The following WWOX variants were observed in gnomAD, a reference collection of about 807,000 sequenced individuals.
WWOX encodes the protein WW domain containing oxidoreductase, also known as WW domain-containing oxidoreductase.
Under a neutral mutation model 46.2 loss-of-function variants are expected in WWOX, and 69 were observed. That is an observed-to-expected ratio of 1.49 (90% confidence interval 1.23 to 1.82). The LOEUF is 1.82. Among genes scored for constraint, WWOX ranks in the 40% most tolerant of loss-of-function variants. The pLI, the probability that WWOX is intolerant of heterozygous loss-of-function variation, is 0.00. For synonymous variants in WWOX, 359 were observed against 202.6 expected (o/e 1.77, Z -6.56); for missense variants, 919 against 542.6 (o/e 1.69, Z -6.89).
intron 8 of WWOX, among the ~76,000 whole-genome samples, chr16:78,768,519 G>A (rs970344794): frequency 6.6e-6 from 1 of 151,796 alleles, no homozygotes; most frequent in African/African-American, 2.4e-5. Flanking sequence ...GAACTTGGGA[G>A]GCAAAGGTTG....
At chr16:78,250,583 G>A (rs1239095085) in intron 5 of WWOX, among the ~76,000 whole-genome samples, 2 of 152,114 alleles carry the variant, frequency 1.3e-5, no homozygotes, top group Admixed American at 1.3e-4. Flanking sequence ...AACCTCAATA[G>A]GAAAGGCACC....
At chr16:79,004,680 G>C (rs1326909690) in intron 8 of WWOX, 2 of 152,244 alleles carry the variant, frequency 1.3e-5, no homozygotes, top group African/African-American at 4.8e-5. Context: ...AGTGATGCCT[G>C]CTCAGATTCT....
chr16:78,390,035 C>A (rs1454995199), intron 6 of WWOX, among the ~76,000 whole-genome samples: 2 of 152,214 alleles, frequency 1.3e-5, no homozygotes, highest in Non-Finnish European at 2.9e-5. Context: ...GCGTGAGCCA[C>A]CCTGCCCGAC....
At chr16:78,967,799 T>A (rs1254168379) in intron 8 of WWOX, among the ~76,000 whole-genome samples, 1 of 151,818 alleles carries the variant, frequency 6.6e-6, no homozygotes, top group Non-Finnish European at 1.5e-5. Flanking sequence ...CTTTGGGGTG[T>A]GTAAGAGTAG....
chr16:78,296,453 G>A (rs913965980), intron 5 of WWOX, among the ~76,000 whole-genome samples: 2 of 151,278 alleles, frequency 1.3e-5, no homozygotes, highest in African/African-American at 2.4e-5. Flanking sequence ...TGGCGCCTTC[G>A]ATGAGCAAAA....
chr16:78,510,667 A>G (rs989937109), intron 8 of WWOX, among the ~76,000 whole-genome samples: 26 of 152,358 alleles, frequency 1.7e-4, no homozygotes, highest in Middle Eastern at 6.8e-3. Flanking sequence ...TGTGGGATTT[A>G]CAATAAAGAA....
chr16:78,988,928 G>A (rs2046832286), intron 8 of WWOX, among the ~76,000 whole-genome samples: 1 of 152,148 alleles, frequency 6.6e-6, no homozygotes, highest in African/African-American at 2.4e-5. Flanking sequence ...CTTCTTTTCA[G>A]CTTTGTTGGA....
Position 78,441,355 on chromosome 16 carries a change from T to G in WWOX, c.1056+8603T>G, listed in dbSNP as rs578030340. ...AATGAATACATGAAAGATGACCAGG[T>G]GCTGAATCAGTGAGAGTCCTTAATG... On this transcript the variant is annotated intron_variant, in intron 8 of 8. Coordinates refer to ENST00000566780, the MANE Select transcript of WWOX (RefSeq NM_016373.4). 2.0e-5 allele frequency among the ~76,000 whole-genome samples: 3 copies of G among 152,342 alleles called. No homozygotes were observed. The South Asian group carries it at 6.2e-4, about 32-fold the overall frequency.
intron 8 of WWOX, among the ~76,000 whole-genome samples, chr16:79,084,971 G>T (rs778694430): frequency 4.0e-5 from 6 of 151,668 alleles, no homozygotes; most frequent in Non-Finnish European, 8.8e-5. Flanking sequence ...TGTCTCCCAG[G>T]CTGGAGTGCA....
At chr16:78,854,308 A>T (rs1157745450) in intron 8 of WWOX, among the ~76,000 whole-genome samples, 1 of 152,198 alleles carries the variant, frequency 6.6e-6, no homozygotes, top group African/African-American at 2.4e-5. Context: ...TATTATTTGC[A>T]TGCAGTTTAT....
rs548039163 is a variant in WWOX, at chr16:78,513,140, T to C, written c.1056+80388T>C. Among the ~76,000 whole-genome samples the C allele has an allele frequency of 2.0e-3, 304 of 152,340 alleles. 1 individual carries two copies. The highest frequency in any genetic ancestry group is 3.4e-3 in the Middle Eastern group (1 of 294). ...CATTCTCTCCGTTGGTCATGGCCCA[T>C]TGAATTTTGATGATAGCATTAAAAC... is the stretch of plus-strand genomic sequence containing the variant. On this transcript the variant is annotated intron_variant, in intron 8 of 8. Transcript: ENST00000566780.
intron 5 of WWOX, among the ~76,000 whole-genome samples, chr16:78,221,967 G>A (rs555613777): frequency 7.9e-5 from 12 of 152,214 alleles, no homozygotes; most frequent in African/African-American, 2.2e-4. Context: ...TCCAAACCAA[G>A]AATATAAAGA....
At chr16:78,800,559 A>T (rs1442373969) in intron 8 of WWOX, among the ~76,000 whole-genome samples, 2 of 152,190 alleles carry the variant, frequency 1.3e-5, no homozygotes, top group Admixed American at 1.3e-4. Context: ...ACGTGAATTA[A>T]TATGCAGAAT....
intron 8 of WWOX, among the ~76,000 whole-genome samples, chr16:79,058,831 A>G (rs2048311243): frequency 6.6e-6 from 1 of 152,206 alleles, no homozygotes; most frequent in Non-Finnish European, 1.5e-5. Context: ...TTCAATGAAG[A>G]TTGTGTATTT....
In WWOX at chr16:78,843,222, T is replaced by C. The variant is rs534969752; in HGVS notation, c.1057-368386T>C. Among the ~76,000 whole-genome samples, 3 of 150,242 alleles carry C rather than the reference T, an allele frequency of 2.0e-5. No homozygotes were observed. In the South Asian group the frequency reaches 6.5e-4, roughly 33 times the overall value. On this transcript the variant is annotated intron_variant, in intron 8 of 8. Transcript: ENST00000566780. ...AAACACAAAAGCAAAGATTAGAACG[T>C]TGAAAGCTTCCAATTCCAGATCCTT...
At chr16:78,686,510 C>CAA (rs35577182) in intron 8 of WWOX, among the ~76,000 whole-genome samples, 1,462 of 144,630 alleles carry the variant, frequency 0.01, 23 homozygotes, top group African/African-American at 0.025. Flanking sequence ...GACTCCCTGT[C>CAA]AAAAAAAAAA....
intron 6 of WWOX, among the ~76,000 whole-genome samples, chr16:78,395,020 A>T (rs913680611): frequency 6.6e-6 from 1 of 152,244 alleles, no homozygotes; most frequent in Admixed American, 6.5e-5. Flanking sequence ...GCCATAATGC[A>T]TGAAATTACC....
intron 8 of WWOX, among the ~76,000 whole-genome samples, chr16:78,796,217 C>T (rs538856942): frequency 6.6e-6 from 1 of 152,304 alleles, no homozygotes; most frequent in African/African-American, 2.4e-5. Flanking sequence ...GCTGAAGTAA[C>T]AATTAGTATA....
chr16:78,352,860 G>A (rs1248624187), intron 5 of WWOX, among the ~76,000 whole-genome samples: 1 of 152,148 alleles, frequency 6.6e-6, no homozygotes, highest in African/African-American at 2.4e-5. Context: ...ATTGGCGGTT[G>A]ATTGAATATT....
Sources: allele counts gnomAD v4.1 joint callset (sites outside exome capture counted in the v4.1 genomes callset), GRCh38; gene constraint gnomAD v4.1.1; transcripts MANE v1.5; gene names NCBI Gene and HGNC (gene_info 2026-07-23, HGNC 2026-07-21).